PCDH15: variants seen among roughly 807,000 people sequenced by gnomAD.
PCDH15 encodes the protein protocadherin related 15, also known as protocadherin-15.
Under a neutral mutation model 178.5 loss-of-function variants are expected in PCDH15, and 129 were observed. The ratio of observed to expected loss-of-function variants is 0.72; its 90% CI spans 0.63 to 0.84. PCDH15 has a LOEUF of 0.84. Among genes scored for constraint, PCDH15 ranks in the 40% least tolerant of loss-of-function variants. The probability of loss-of-function intolerance (pLI) is 0.00; values close to 1 mark genes in which losing one functional copy is unlikely to be tolerated. For synonymous variants in PCDH15, 800 were observed against 732.0 expected (o/e 1.09, Z -1.50); for missense variants, 2,230 against 2,099.9 (o/e 1.06, Z -1.21).
intron 3 of PCDH15, among the ~76,000 whole-genome samples, chr10:54,497,380 T>A (rs2080227850): frequency 6.6e-6 from 1 of 152,104 alleles, no homozygotes; most frequent in African/African-American, 2.4e-5. Context: ...CTGGTGACTA[T>A]AAAACCCAGA....
At chr10:55,297,854 C>T (rs2132274704) in intron 1 of PCDH15, among the ~76,000 whole-genome samples, 1 of 152,070 alleles carries the variant, frequency 6.6e-6, no homozygotes, top group Non-Finnish European at 1.5e-5. Context: ...TCCTTACTTC[C>T]TTTAGTAACT....
chr10:54,327,375 G>A (rs1018400347), intron 7 of PCDH15, among the ~76,000 whole-genome samples: 3 of 150,400 alleles, frequency 2.0e-5, no homozygotes, highest in African/African-American at 7.3e-5. Context: ...TCTGCTCTAT[G>A]TTACATGACA....
chr10:53,808,330 G>GTA (rs917490517), intron 37 of PCDH15: 43 of 203,910 alleles, frequency 2.1e-4, no homozygotes, highest in Middle Eastern at 2.4e-3. Context: ...GTGTGTGTGT[G>GTA]TATATATATA....
At chr10:54,023,697 TTTA>T (rs529935370) in intron 18 of PCDH15, among the ~76,000 whole-genome samples, 230 of 150,244 alleles carry the variant, frequency 1.5e-3, no homozygotes, top group African/African-American at 5.3e-3. Flanking sequence ...TGTGATAATG[TTTA>T]TTATAATAAA....
intron 2 of PCDH15, among the ~76,000 whole-genome samples, chr10:54,537,279 C>T (rs920569130): frequency 6.6e-6 from 1 of 151,892 alleles, no homozygotes; most frequent in African/African-American, 2.4e-5. Context: ...GATTACAGGC[C>T]TGAGCCAACG....
rs376036587 is a variant in PCDH15 at position 54,731,559 on chromosome 10, T to C, written c.-28-67269A>G. ...AATGTGAGATAGATATATATATATA[T>C]ATATACACACACACACACACACACA... On this transcript the variant is annotated intron_variant, in intron 1 of 37. Coordinates refer to ENST00000644397, the MANE Select transcript of PCDH15 (RefSeq NM_001384140.1). 3.6e-3 allele frequency among the ~76,000 whole-genome samples: 181 copies of C among 50,602 alleles called. 2 individuals carry two copies. The highest frequency in any genetic ancestry group is 0.027 in the Middle Eastern group (3 of 112). 33.2% of individuals were successfully genotyped at this position (50,602 alleles called of 152,430 possible).
In PCDH15 at chr10:55,487,765, T is replaced by C. The variant is rs184867803; in HGVS notation, c.-156+139860A>G. Among the ~76,000 whole-genome samples, 41 of 151,746 alleles carry C rather than the reference T, an allele frequency of 2.7e-4. 1 individual carries two copies. The highest frequency in any genetic ancestry group is 9.6e-4 in the African/African-American group (40 of 41,484). On this transcript the variant is annotated intron_variant, in intron 2 of 5. Transcript: ENST00000613346. The stretch of plus-strand genomic sequence containing the variant: ...TTTGAGTATTGAAAACACACATGTA[T>C]AGCATCTATTGCCAGAGCCTACATG...
intron 25 of PCDH15, among the ~76,000 whole-genome samples, chr10:53,921,530 C>G (rs2083996371): frequency 6.6e-6 from 1 of 152,070 alleles, no homozygotes; most frequent in African/African-American, 2.4e-5. Context: ...CTTCACTTCA[C>G]CCCTGGCCAA....
At chr10:54,394,050 AAGAAAG>A (rs1950880220) in intron 3 of PCDH15, among the ~76,000 whole-genome samples, 1 of 152,148 alleles carries the variant, frequency 6.6e-6, no homozygotes, top group African/African-American at 2.4e-5. Flanking sequence ...AGGTGAAGGA[AAGAAAG>A]AGAGATGAAG....
At chr10:55,262,477 G>A (rs1327389362) in intron 1 of PCDH15, among the ~76,000 whole-genome samples, 1 of 152,186 alleles carries the variant, frequency 6.6e-6, no homozygotes, top group African/African-American at 2.4e-5. Context: ...GCTGGATGCT[G>A]AGAGGAACAC....
At chr10:54,577,293 C>T (rs2090581413) in intron 2 of PCDH15, among the ~76,000 whole-genome samples, 1 of 150,794 alleles carries the variant, frequency 6.6e-6, no homozygotes, top group Non-Finnish European at 1.5e-5. Context: ...GGGGTTTCAC[C>T]ATATTGGCCA....
intron 2 of PCDH15, among the ~76,000 whole-genome samples, chr10:55,525,585 C>T (rs1196168772): frequency 6.6e-6 from 1 of 151,828 alleles, no homozygotes; most frequent in Non-Finnish European, 1.5e-5. Context: ...TTTTGGCTTA[C>T]ATGTATTTCT....
At chr10:54,050,472 A>C (rs780561276) in intron 18 of PCDH15, among the ~76,000 whole-genome samples, 1 of 152,054 alleles carries the variant, frequency 6.6e-6, no homozygotes, top group Non-Finnish European at 1.5e-5. Context: ...TAATCTAGCT[A>C]TAGGTCTATA....
chr10:53,962,035 TG>T, intron 21 of PCDH15, 143 bp from the exon 22 acceptor site: 1 of 681,550 alleles, frequency 1.5e-6, no homozygotes, highest in Non-Finnish European at 2.5e-6. Flanking sequence ...AGAGCTGAAA[TG>T]TAGCCAGATC....
chr10:55,481,601 C>T (rs1840182685), intron 2 of PCDH15, among the ~76,000 whole-genome samples: 1 of 151,780 alleles, frequency 6.6e-6, no homozygotes, highest in Non-Finnish European at 1.5e-5. Context: ...ACTCAAAAGT[C>T]ATTCTAGAGC....
At chr10:55,206,114 C>T (rs1840393157) in intron 1 of PCDH15, among the ~76,000 whole-genome samples, 1 of 151,948 alleles carries the variant, frequency 6.6e-6, no homozygotes, top group Non-Finnish European at 1.5e-5. Flanking sequence ...AGGGCCAAAC[C>T]ATATCACCTT....
chr10:55,084,963 A>G (rs1842130950), intron 2 of PCDH15, among the ~76,000 whole-genome samples: 1 of 151,980 alleles, frequency 6.6e-6, no homozygotes, highest in African/African-American at 2.4e-5. Flanking sequence ...GGGACCTCAC[A>G]TACATTGTTG....
At chr10:54,974,340 T>G in intron 2 of PCDH15, among the ~76,000 whole-genome samples, 1 of 152,146 alleles carries the variant, frequency 6.6e-6, no homozygotes, top group East Asian at 1.9e-4. Flanking sequence ...TGGCAAATAA[T>G]GTAATATACA....
At chr10:54,556,386 T>C (rs2087267872) in intron 2 of PCDH15, among the ~76,000 whole-genome samples, 1 of 152,174 alleles carries the variant, frequency 6.6e-6, no homozygotes, top group Non-Finnish European at 1.5e-5. Context: ...TCTATAATTC[T>C]ACTCTTATCC....
Sources: gnomAD v4.1 joint callset for allele counts (sites outside exome capture counted in the v4.1 genomes callset) on GRCh38, gnomAD v4.1.1 for gene constraint, MANE v1.5 for transcripts, NCBI Gene and HGNC (gene_info 2026-07-23, HGNC 2026-07-21) for gene names.